Variants in HUS1 observed in about 807,000 individuals in gnomAD.
HUS1 encodes the protein HUS1 checkpoint clamp component.
HUS1 carries 31 observed loss-of-function variants against 32.6 expected under a neutral mutation model. That is an observed-to-expected ratio of 0.95 (90% confidence interval 0.72 to 1.28). The LOEUF (loss-of-function observed/expected upper bound fraction) is 1.28, where lower values mean the gene tolerates loss of function less well. HUS1 is among the 50% of genes most tolerant of loss of function. The pLI is 0.00. For missense variants in HUS1, 340 were observed against 337.7 expected, an observed-to-expected ratio of 1.01 and a Z score of -0.05; for synonymous variants, 123 against 116.6, an observed-to-expected ratio of 1.06 and a Z score of -0.36.
In HUS1 at chr7:47,975,724, A is replaced by C. The variant is rs192369786; in HGVS notation, c.466-37T>G. 2.5e-4 allele frequency: 298 copies of C among 1,210,452 alleles called. 1 individual carries two copies. The African/African-American group carries it at 4.1e-3, about 16-fold the overall frequency. The allele number at this position is 1,210,452 out of a possible 1,614,324, so 75.0% of individuals were successfully genotyped here. A position where few individuals can be genotyped will look rare whatever the true frequency, so the allele number is the denominator to read the frequency against. On this transcript the variant is annotated intron_variant, in intron 4 of 7. Coordinates refer to ENST00000258774, the MANE Select transcript of HUS1 (RefSeq NM_004507.4). Reference sequence around the variant, plus strand: ...ATGAGAAAAAAGCACAAGTATTAAAAATATTAATATACTCTAGTAATGACA... The same window carrying C: ...ATGAGAAAAAAGCACAAGTATTAAACATATTAATATACTCTAGTAATGACA...
At chr7:47,965,914 G>T (rs1562584731) in intron 7 of HUS1, among the ~76,000 whole-genome samples, 1 of 152,002 alleles carries the variant, frequency 6.6e-6, no homozygotes, top group Admixed American at 6.5e-5. Context: ...AAAATCCAAG[G>T]CATCAGGCAT....
intron 7 of HUS1, among the ~76,000 whole-genome samples, chr7:47,966,207 C>T (rs1005712327): frequency 3.9e-5 from 6 of 151,998 alleles, no homozygotes; most frequent in African/African-American, 9.7e-5. Context: ...CAGGACCTAG[C>T]TAGAGGAGGG....
At chr7:47,978,260 C>G in intron 3 of HUS1, 157 bp downstream of exon 3, 2 of 600,238 alleles carry the variant, frequency 3.3e-6, no homozygotes, top group East Asian at 5.6e-5. Flanking sequence ...TGAGGAGGAA[C>G]TGACTCTAAT....
chr7:47,968,472 T>A (rs1052803668), intron 6 of HUS1, among the ~76,000 whole-genome samples: 3 of 152,224 alleles, frequency 2.0e-5, no homozygotes, highest in Non-Finnish European at 2.9e-5. Flanking sequence ...TCCAACTCTA[T>A]GCTAAAATCT....
At chr7:47,971,069 A>G (rs1018931549) in intron 5 of HUS1, among the ~76,000 whole-genome samples, 1 of 152,232 alleles carries the variant, frequency 6.6e-6, no homozygotes, top group East Asian at 1.9e-4. Context: ...ATAAAATTTT[A>G]TGCTCTGATG....
In HUS1 at chr7:47,979,591, C is replaced by G; in HGVS notation, c.-72G>C. 1 of 1,219,490 alleles carries G rather than the reference C, an allele frequency of 8.2e-7. No individual in the cohort carries two copies. The allele number at this position is 1,219,490 out of a possible 1,614,324, so 75.5% of individuals were successfully genotyped here. On this transcript the variant is annotated 5_prime_UTR_variant, in exon 1 of 8. Coordinates refer to ENST00000258774, the MANE Select transcript of HUS1 (RefSeq NM_004507.4). ...AGCGTCGCGCCCTGAGTGTCCCCGC[C>G]CGGAAACACGGCAGCGCGAACAGTG... is the stretch of plus-strand genomic sequence containing the variant.
At chr7:47,976,008 G>A (rs1160774179) in intron 4 of HUS1, among the ~76,000 whole-genome samples, 1 of 152,284 alleles carries the variant, frequency 6.6e-6, no homozygotes, top group Admixed American at 6.5e-5. Context: ...GGTCCAGGGG[G>A]AATATAACTC....
At chr7:47,968,960 C>T (rs1020109733) in intron 6 of HUS1, 1 of 348,928 alleles carries the variant, frequency 2.9e-6, no homozygotes, top group Non-Finnish European at 5.1e-6. Context: ...GGTTATGTAA[C>T]TTGATCCGAA....
At chr7:47,972,059 AT>A (rs1236542563) in intron 5 of HUS1, among the ~76,000 whole-genome samples, 1 of 151,336 alleles carries the variant, frequency 6.6e-6, no homozygotes, top group African/African-American at 2.5e-5. Context: ...ATCCAAAAAA[AT>A]ATATTGTTAT....
intron 4 of HUS1, chr7:47,976,159 G>A (rs910379000): frequency 2.8e-6 from 1 of 353,184 alleles, no homozygotes; most frequent in Non-Finnish European, 5.6e-6. Context: ...ATAAAACACA[G>A]GCTTTTTCAA....
In HUS1 at chr7:47,965,741, C is replaced by T. The variant is rs117768976; in HGVS notation, c.761-303G>A. 2.4e-4 allele frequency among the ~76,000 whole-genome samples: 37 copies of T among 152,252 alleles called. No individual in the cohort carries two copies. In the East Asian group the frequency reaches 5.5e-3, roughly 22 times the overall value. On this transcript the variant is annotated intron_variant, in intron 7 of 7. Transcript: ENST00000258774. ...CACCCACATGAGCATCCTTCTGCAG[C>T]GAAGAGCAGCTCCTCACCAGTGAGT...
chr7:47,972,591 T>C (rs940436824), intron 5 of HUS1, among the ~76,000 whole-genome samples: 3 of 152,256 alleles, frequency 2.0e-5, no homozygotes, highest in Non-Finnish European at 4.4e-5. Flanking sequence ...TTCCTTAAAA[T>C]AGTCAACTAT....
chr7:47,979,604 A>C lies in HUS1; in HGVS notation c.-85T>G. 9.2e-7 allele frequency: 1 copy of C among 1,086,716 alleles called. No homozygotes were observed. Among genetic ancestry groups the C allele is most frequent in the Non-Finnish European group, 1.4e-6 (1 of 711,564 alleles). 67.3% of individuals were successfully genotyped at this position (1,086,716 alleles called of 1,614,324 possible). ...GAGTGTCCCCGCCCGGAAACACGGC[A>C]GCGCGAACAGTGGTTCCGCCCGGCT... is the stretch of plus-strand genomic sequence containing the variant. On this transcript the variant is annotated 5_prime_UTR_variant, in exon 1 of 8. Transcript: ENST00000258774.
At chr7:47,969,797 G>C (rs1018122942) in intron 5 of HUS1, among the ~76,000 whole-genome samples, 5 of 152,164 alleles carry the variant, frequency 3.3e-5, no homozygotes, top group Non-Finnish European at 7.3e-5. Flanking sequence ...AAGAGGGACA[G>C]ATCTCAGAAA....
intron 1 of HUS1, 135 bp downstream of exon 1, chr7:47,979,323 CTACACCAGCA>C: frequency 1.4e-6 from 1 of 708,590 alleles, no homozygotes; most frequent in Non-Finnish European, 2.2e-6. Context: ...CTCCCGCGGC[CTACACCAGCA>C]CCCCCATCCC....
At position 47,965,195 on chromosome 7, in the gene HUS1, G is replaced by A. The variant is rs1788452045; in HGVS notation, c.*161C>T. On this transcript the variant is annotated 3_prime_UTR_variant, in exon 8 of 8. Coordinates refer to ENST00000258774, the MANE Select transcript of HUS1 (RefSeq NM_004507.4). ...AAGTGATATGTTTATCCAACTGTGT[G>A]TTGTTGAATCAACTTTTAGTTAAAA... is the stretch of plus-strand genomic sequence containing the variant. 1.8e-6 allele frequency: 1 copy of A among 543,990 alleles called. No individual in the cohort carries two copies. Among genetic ancestry groups the A allele is most frequent in the Non-Finnish European group, 3.3e-6 (1 of 299,822 alleles). 33.7% of individuals were successfully genotyped at this position (543,990 alleles called of 1,614,324 possible).
intron 5 of HUS1, chr7:47,971,305 TG>T (rs1788595223): frequency 3.0e-6 from 1 of 332,902 alleles, no homozygotes; most frequent in Admixed American, 4.2e-5. Flanking sequence ...CTGGGGCTGC[TG>T]TTGGGTTACC....
intron 1 of HUS1, 89 bp downstream of exon 1, chr7:47,979,379 C>A (rs1003125882): frequency 1.4e-6 from 2 of 1,392,094 alleles, no homozygotes; most frequent in African/African-American, 1.5e-5. Flanking sequence ...CGGCGCCCAT[C>A]CCCGTTCTGA....
At chr7:47,974,489 G>A (rs1453142118) in intron 5 of HUS1, among the ~76,000 whole-genome samples, 1 of 152,200 alleles carries the variant, frequency 6.6e-6, no homozygotes, top group Non-Finnish European at 1.5e-5. Flanking sequence ...AAAAGAAGAG[G>A]CATTGTGGGG....
Sources: gnomAD v4.1 joint callset for allele counts (sites outside exome capture counted in the v4.1 genomes callset) on GRCh38, gnomAD v4.1.1 for gene constraint, MANE v1.5 for transcripts, NCBI Gene and HGNC (gene_info 2026-07-23, HGNC 2026-07-21) for gene names.